The following FBXL17 variants were observed in gnomAD, a reference collection of about 807,000 sequenced individuals.
FBXL17 encodes the protein F-box and leucine rich repeat protein 17, also known as F-box/LRR-repeat protein 17.
A neutral mutation model predicts 66.2 loss-of-function variants in FBXL17; 22 were observed. The observed-to-expected ratio is 0.33, with a 90% CI of 0.24 to 0.47. The LOEUF (loss-of-function observed/expected upper bound fraction) is 0.47, where lower values mean the gene tolerates loss of function less well. Ranked by LOEUF, FBXL17 falls within the 20% of genes least tolerant of loss-of-function variation. The probability of loss-of-function intolerance (pLI) is 1.00; values close to 1 mark genes in which losing one functional copy is unlikely to be tolerated. For synonymous variants in FBXL17, 474 were observed against 400.5 expected (o/e 1.18, Z -2.19); for missense variants, 878 against 948.2 (o/e 0.93, Z 0.97).
At chr5:108,340,029 A>G (rs1437204851) in intron 4 of FBXL17, among the ~76,000 whole-genome samples, 1 of 152,170 alleles carries the variant, frequency 6.6e-6, no homozygotes, top group African/African-American at 2.4e-5. Context: ...CGACACTGGC[A>G]CACAGGGAAA....
intron 5 of FBXL17, among the ~76,000 whole-genome samples, chr5:108,202,242 G>A (rs572048450): frequency 1.3e-5 from 2 of 152,036 alleles, no homozygotes; most frequent in Non-Finnish European, 2.9e-5. Flanking sequence ...TTTGAAAGAT[G>A]AATTCATTTA....
intron 3 of FBXL17, among the ~76,000 whole-genome samples, 162 bp from the exon 4 acceptor site, chr5:108,348,692 T>TATGTATAAA (rs1481353408): frequency 6.6e-6 from 1 of 152,238 alleles, no homozygotes; most frequent in Non-Finnish European, 1.5e-5. Context: ...CTTAAAACAG[T>TATGTATAAA]ACTGTATAAA....
At chr5:107,943,223 G>A (rs1163912629) in intron 7 of FBXL17, among the ~76,000 whole-genome samples, 1 of 152,106 alleles carries the variant, frequency 6.6e-6, no homozygotes, top group African/African-American at 2.4e-5. Flanking sequence ...AGACATAAGT[G>A]CAATAAACCA....
intron 7 of FBXL17, among the ~76,000 whole-genome samples, chr5:107,985,899 CT>C (rs1266726371): frequency 6.6e-6 from 1 of 152,114 alleles, no homozygotes; most frequent in Non-Finnish European, 1.5e-5. Context: ...ACAAGTTTAG[CT>C]GTCTATTGGT....
At chr5:108,183,107 C>G (rs1753077313) in intron 6 of FBXL17, among the ~76,000 whole-genome samples, 1 of 129,482 alleles carries the variant, frequency 7.7e-6, no homozygotes, top group African/African-American at 3.0e-5. Context: ...ATGGTGTGAT[C>G]TTGGCTCACT....
intron 6 of FBXL17, among the ~76,000 whole-genome samples, chr5:108,132,156 A>G (rs1395422091): frequency 1.3e-5 from 2 of 152,060 alleles, no homozygotes; most frequent in Admixed American, 1.3e-4. Flanking sequence ...TTGTATTTTT[A>G]GTAGAGACGG....
At chr5:108,008,523 C>A (rs6877897) in intron 7 of FBXL17, among the ~76,000 whole-genome samples, 17,045 of 152,110 alleles carry the variant, frequency 0.11, 2,434 homozygotes, top group African/African-American at 0.33. Context: ...TGCTGTTCAA[C>A]ATTGGCAGCT....
chr5:108,252,874 T>C (rs1405310530), intron 4 of FBXL17, among the ~76,000 whole-genome samples: 1 of 152,210 alleles, frequency 6.6e-6, no homozygotes, highest in Non-Finnish European at 1.5e-5. Context: ...ATTCTCATTA[T>C]GCACAGCATA....
Position 108,375,393 on chromosome 5 carries a change from AC to A in FBXL17, c.993+5305del, listed in dbSNP as rs1749352131. On this transcript the variant is annotated intron_variant, in intron 1 of 8. Coordinates refer to ENST00000542267, the MANE Select transcript of FBXL17 (RefSeq NM_001163315.3). ...CACACACACACACACACACACACACACAAAATTGGCTAGACTAAGAATAAAG... is the reference window on the plus strand; with the variant it reads ...CACACACACACACACACACACACACAAAAATTGGCTAGACTAAGAATAAAG... 2.0e-5 allele frequency among the ~76,000 whole-genome samples: 3 copies of A among 148,958 alleles called. No individual in the cohort carries two copies. In the Admixed American group the frequency reaches 2.0e-4, roughly 10 times the overall value.
intron 7 of FBXL17, among the ~76,000 whole-genome samples, chr5:107,944,649 G>C (rs1406256523): frequency 2.0e-5 from 3 of 152,122 alleles, no homozygotes; most frequent in Non-Finnish European, 2.9e-5. Context: ...TCTTCAAATA[G>C]ATAATTTTGT....
At chr5:108,003,617 T>C (rs1166980972) in intron 7 of FBXL17, among the ~76,000 whole-genome samples, 2 of 152,106 alleles carry the variant, frequency 1.3e-5, no homozygotes, top group Non-Finnish European at 2.9e-5. Context: ...CATGAGCAAG[T>C]AACATGTTAC....
At chr5:108,298,845 A>G in intron 4 of FBXL17, 1 of 910,094 alleles carries the variant, frequency 1.1e-6, no homozygotes, top group Non-Finnish European at 1.3e-6. Flanking sequence ...CTAACATGTC[A>G]GCATTTAAAA....
intron 6 of FBXL17, among the ~76,000 whole-genome samples, chr5:108,138,128 T>C (rs1161998574): frequency 1.3e-5 from 2 of 152,228 alleles, no homozygotes; most frequent in Non-Finnish European, 2.9e-5. Flanking sequence ...TGTTATTCAG[T>C]AATTTGTCTA....
intron 7 of FBXL17, among the ~76,000 whole-genome samples, chr5:107,884,622 T>C (rs149934683): frequency 0.014 from 2,127 of 152,358 alleles, 21 homozygotes; most frequent in Middle Eastern, 0.027. Context: ...TTGGACAGTT[T>C]TTCATTGTTG....
intron 6 of FBXL17, among the ~76,000 whole-genome samples, chr5:108,152,623 T>C (rs982821965): frequency 6.6e-6 from 1 of 151,986 alleles, no homozygotes; most frequent in Non-Finnish European, 1.5e-5. Flanking sequence ...TTCAGTCTCA[T>C]AAAAATGAAG....
chr5:108,343,633 C>T lies in FBXL17; in HGVS notation c.1506+4766G>A, dbSNP rs144029532. Among the ~76,000 whole-genome samples the T allele has an allele frequency of 1.4e-3, 214 of 152,246 alleles. 1 individual carries two copies. In the East Asian group the frequency reaches 0.039, roughly 28 times the overall value. ...AAGAGTCAGGAAATGGAAGCTTTCA[C>T]ATAATGCTGAATTAACTACTGCTAT... On this transcript the variant is annotated intron_variant, in intron 4 of 8. Transcript: ENST00000542267.
At chr5:108,249,488 C>T (rs1164771123) in intron 4 of FBXL17, among the ~76,000 whole-genome samples, 1 of 152,148 alleles carries the variant, frequency 6.6e-6, no homozygotes, top group East Asian at 1.9e-4. Flanking sequence ...ATCAGTATTA[C>T]AAACAGCATC....
chr5:108,324,992 G>A (rs950747371), intron 4 of FBXL17, among the ~76,000 whole-genome samples: 1 of 152,026 alleles, frequency 6.6e-6, no homozygotes, highest in African/African-American at 2.4e-5. Context: ...GGTACCTAGA[G>A]GAGTCAAAGT....
intron 7 of FBXL17, among the ~76,000 whole-genome samples, chr5:107,902,311 G>C (rs1467259871): frequency 1.3e-5 from 2 of 152,128 alleles, no homozygotes; most frequent in Non-Finnish European, 2.9e-5. Flanking sequence ...GTTTATATGG[G>C]AGGAAAGGAC....
Sources: allele counts gnomAD v4.1 joint callset (sites outside exome capture counted in the v4.1 genomes callset), GRCh38; gene constraint gnomAD v4.1.1; transcripts MANE v1.5; gene names NCBI Gene and HGNC (gene_info 2026-07-23, HGNC 2026-07-21).